CSNK1A1: variants seen among roughly 807,000 people sequenced by gnomAD.
The protein encoded by CSNK1A1 is casein kinase I isoform alpha.
Under a neutral mutation model 46.1 loss-of-function variants are expected in CSNK1A1, and 7 were observed. The observed-to-expected ratio is 0.15, with a 90% CI of 0.09 to 0.29. The LOEUF is 0.29. Ranked by LOEUF, CSNK1A1 falls within the 10% of genes least tolerant of loss-of-function variation. The pLI, the probability that CSNK1A1 is intolerant of heterozygous loss-of-function variation, is 1.00. For synonymous variants in CSNK1A1, 137 were observed against 141.5 expected, an observed-to-expected ratio of 0.97 and a Z score of 0.23; for missense variants, 96 against 417.1, an observed-to-expected ratio of 0.23 and a Z score of 6.71.
Position 149,505,160 on chromosome 5 carries a change from G to A in CSNK1A1, c.1006+287C>T, listed in dbSNP as rs145103830. ...TTTTGGAAAGGGGGTTAATGAATGA[G>A]TAAAAAAGATGCAGTTGTTAAAAAA... On this transcript the variant is annotated intron_variant, in intron 9 of 9. Coordinates refer to ENST00000377843, the MANE Select transcript of CSNK1A1 (RefSeq NM_001892.6). The A allele has an allele frequency of 1.7e-4, 182 of 1,068,210 alleles. 2 individuals are homozygous for A. The East Asian group carries it at 9.3e-3, about 55-fold the overall frequency. 66.2% of individuals were successfully genotyped at this position (1,068,210 alleles called of 1,614,324 possible). A position where few individuals can be genotyped will look rare whatever the true frequency, so the allele number is the denominator to read the frequency against.
chr5:149,549,552 A>C (rs1762591057), intron 2 of CSNK1A1: 2 of 700,392 alleles, frequency 2.9e-6, no homozygotes, highest in Non-Finnish European at 5.2e-6. Context: ...TGTGAACTCA[A>C]GCTGAGAAAA....
chr5:149,529,294 T>G (rs1761814696), intron 2 of CSNK1A1, among the ~76,000 whole-genome samples: 1 of 152,134 alleles, frequency 6.6e-6, no homozygotes, highest in Non-Finnish European at 1.5e-5. Flanking sequence ...ACTTACAGCA[T>G]AAAAAAAGTA....
intron 2 of CSNK1A1, among the ~76,000 whole-genome samples, chr5:149,528,580 C>T (rs1190185101): frequency 6.6e-6 from 1 of 152,198 alleles, no homozygotes. Context: ...ACCTTCACCT[C>T]CATGCTTCCC....
intron 4 of CSNK1A1, among the ~76,000 whole-genome samples, chr5:149,516,820 G>GCC (rs1364795928): frequency 6.6e-6 from 1 of 152,042 alleles, no homozygotes; most frequent in African/African-American, 2.4e-5. Context: ...AGCTGGAGGT[G>GCC]GTTCCTGGAA....
intron 3 of CSNK1A1, among the ~76,000 whole-genome samples, chr5:149,521,679 C>G (rs923542328): frequency 3.3e-5 from 5 of 151,330 alleles, no homozygotes; most frequent in African/African-American, 9.7e-5. Context: ...TGCAGTGGTG[C>G]AATTTTGGCT....
At chr5:149,527,757 T>C (rs892689923) in intron 2 of CSNK1A1, among the ~76,000 whole-genome samples, 4 of 152,198 alleles carry the variant, frequency 2.6e-5, no homozygotes, top group Admixed American at 2.6e-4. Context: ...ACTTGTTTAA[T>C]ATAAATATAA....
At chr5:149,512,336 T>A (rs562651062) in intron 5 of CSNK1A1, among the ~76,000 whole-genome samples, 108 of 152,032 alleles carry the variant, frequency 7.1e-4, no homozygotes, top group Non-Finnish European at 1.4e-3. Context: ...TATTTAAGGA[T>A]AGGTAATGCC....
At chr5:149,541,505 A>G (rs1408588383) in intron 2 of CSNK1A1, among the ~76,000 whole-genome samples, 3 of 152,094 alleles carry the variant, frequency 2.0e-5, no homozygotes, top group African/African-American at 4.8e-5. Flanking sequence ...TTAGAAACAA[A>G]AACAGTAACA....
At chr5:149,543,863 T>C (rs911134505) in intron 2 of CSNK1A1, among the ~76,000 whole-genome samples, 37 of 151,898 alleles carry the variant, frequency 2.4e-4, no homozygotes, top group Middle Eastern at 6.3e-3. Context: ...GAATAGCCAC[T>C]GCACTCCGCC....
At chr5:149,532,694 C>A (rs528767878) in intron 2 of CSNK1A1, among the ~76,000 whole-genome samples, 7 of 152,130 alleles carry the variant, frequency 4.6e-5, no homozygotes, top group Admixed American at 2.0e-4. Context: ...ATCTACCCCC[C>A]ACAAAAATCA....
At chr5:149,526,557 A>C (rs1297793559) in intron 2 of CSNK1A1, among the ~76,000 whole-genome samples, 1 of 152,250 alleles carries the variant, frequency 6.6e-6, no homozygotes, top group East Asian at 1.9e-4. Flanking sequence ...CTTTGCTGAT[A>C]AATGCCAATG....
intron 9 of CSNK1A1, chr5:149,501,251 T>TTACTGTC: frequency 1.0e-6 from 1 of 985,384 alleles, no homozygotes; most frequent in Middle Eastern, 5.2e-4. Flanking sequence ...CTTTCCAGCT[T>TTACTGTC]TACTGTCCAC....
intron 6 of CSNK1A1, among the ~76,000 whole-genome samples, 157 bp from the exon 7 acceptor site, chr5:149,510,110 T>A (rs890528349): frequency 1.1e-4 from 17 of 152,264 alleles, no homozygotes; most frequent in Admixed American, 8.5e-4. Flanking sequence ...CTAAAAAAAA[T>A]TTTTCCCAAA....
At position 149,540,298 on chromosome 5, in the gene CSNK1A1, T is replaced by A. The variant is rs191773443; in HGVS notation, c.230+9777A>T. Among the ~76,000 whole-genome samples the A allele has an allele frequency of 1.4e-4, 22 of 152,318 alleles. No homozygotes were observed. In the South Asian group the frequency reaches 4.1e-3, roughly 29 times the overall value. ...ACAATGCTCTTTCCATTTCCCTTTA[T>A]GTTGAGGATTGAAATGTACTCTCTT... On this transcript the variant is annotated intron_variant, in intron 2 of 9. Transcript: ENST00000377843.
rs1434452897 is a variant in CSNK1A1, at chr5:149,542,682, A to T, written c.230+7393T>A. On this transcript the variant is annotated intron_variant, in intron 2 of 9. Transcript: ENST00000377843. The stretch of plus-strand genomic sequence containing the variant: ...TATATATATATATATGTATATATAT[A>T]TATATATATATTTTTTTTTTTTTTT... 5.8e-4 allele frequency among the ~76,000 whole-genome samples: 9 copies of T among 15,528 alleles called. 1 individual carries two copies. Among genetic ancestry groups the T allele is most frequent in the East Asian group, 6.7e-3 (2 of 298 alleles). The allele number at this position is 15,528 out of a possible 152,430, so 10.2% of individuals were successfully genotyped here.
At chr5:149,520,151 T>A (rs1398325969) in intron 4 of CSNK1A1, 139 bp downstream of exon 4, 1 of 563,586 alleles carries the variant, frequency 1.8e-6, no homozygotes, top group African/African-American at 1.9e-5. Context: ...CTGATTATCC[T>A]CATAGCACAA....
At chr5:149,535,695 A>G (rs1424222103) in intron 2 of CSNK1A1, among the ~76,000 whole-genome samples, 4 of 152,168 alleles carry the variant, frequency 2.6e-5, no homozygotes, top group Non-Finnish European at 5.9e-5. Context: ...ACTGGAATGC[A>G]CTGGCACAAT....
rs888529265 is a variant in CSNK1A1, at chr5:149,513,264, C to T, written c.457-55G>A. ...TTTCCAACCTTGTTCAATTAAACTG[C>T]GTCTTATTCATTAAATGGTATCTAT... On this transcript the variant is annotated intron_variant, in intron 4 of 9. Coordinates refer to ENST00000377843, the MANE Select transcript of CSNK1A1 (RefSeq NM_001892.6). 112 of 1,487,980 alleles carry T rather than the reference C, an allele frequency of 7.5e-5. 1 individual carries two copies. The African/African-American group carries it at 1.0e-3, about 13-fold the overall frequency. 92.2% of individuals were successfully genotyped at this position (1,487,980 alleles called of 1,614,324 possible).
At chr5:149,499,967 C>CTTTTTTTTTTTTTTTTTTT (rs1162496799) in intron 9 of CSNK1A1, among the ~76,000 whole-genome samples, 1 of 77,710 alleles carries the variant, frequency 1.3e-5, no homozygotes, top group Non-Finnish European at 2.6e-5. Context: ...TTCTTTTTTT[C>CTTTTTTTTTTTTTTTTTTT]TTTTTTTTTT....
Sources: gnomAD v4.1 joint callset for allele counts (sites outside exome capture counted in the v4.1 genomes callset) on GRCh38, gnomAD v4.1.1 for gene constraint, MANE v1.5 for transcripts, NCBI Gene and HGNC (gene_info 2026-07-23, HGNC 2026-07-21) for gene names.